TBL1X: variants seen among roughly 807,000 people sequenced by gnomAD.
TBL1X encodes F-box-like/WD repeat-containing protein TBL1X.
TBL1X carries 10 observed loss-of-function variants against 50.7 expected under a neutral mutation model. That is an observed-to-expected ratio of 0.20 (90% CI 0.12 to 0.33). The LOEUF (loss-of-function observed/expected upper bound fraction) is 0.33, where lower values mean the gene tolerates loss of function less well. Among genes scored for constraint, TBL1X ranks in the 10% least tolerant of loss-of-function variants. The pLI is 1.00. For synonymous variants in TBL1X, 190 were observed against 214.7 expected (o/e 0.88, Z 1.01); for missense variants, 340 against 504.4 (o/e 0.67, Z 3.12).
intron 9 of TBL1X, 103 bp downstream of exon 9, chrX:9,692,357 G>A: frequency 2.0e-6 from 2 of 1,023,470 alleles, no homozygotes; most frequent in Non-Finnish European, 2.6e-6. Flanking sequence ...GGAGGCAGGT[G>A]GTCCTGTGTG....
chrX:9,499,247 G>C (rs1030751940), intron 1 of TBL1X, among the ~76,000 whole-genome samples: 1 of 112,031 alleles, frequency 8.9e-6, no homozygotes, highest in Admixed American at 9.5e-5. Context: ...CCCTGAAAGA[G>C]GGTCATAGAT....
chrX:9,652,697 A>G (rs903808460), intron 3 of TBL1X, among the ~76,000 whole-genome samples: 3 of 110,941 alleles, frequency 2.7e-5, no homozygotes, highest in Admixed American at 1.9e-4. Context: ...AAAAGAACCA[A>G]AAAATTAGCT....
In TBL1X at chrX:9,523,094, C is replaced by G. The variant is rs1451208721; in HGVS notation, c.-131+21245C>G. On this transcript the variant is annotated intron_variant, in intron 2 of 17. Transcript: ENST00000645353. The stretch of plus-strand genomic sequence containing the variant: ...CCACTTGTCTTTAGCACTAAAAACA[C>G]AAACTAAGCATTATGTTTTAAAAAA... Among the ~76,000 whole-genome samples the G allele has an allele frequency of 1.8e-5, 2 of 111,911 alleles. 1 individual carries two copies. Among genetic ancestry groups the G allele is most frequent in the Middle Eastern group, 8.4e-3 (2 of 239 alleles).
intron 2 of TBL1X, among the ~76,000 whole-genome samples, chrX:9,523,022 ATC>A (rs1245956874): frequency 9.0e-6 from 1 of 111,031 alleles, no homozygotes; most frequent in Admixed American, 9.5e-5. Context: ...TGGGAAGAAA[ATC>A]TCTCTCACCT....
chrX:9,514,068 A>T (rs1381159790), intron 2 of TBL1X, among the ~76,000 whole-genome samples: 3 of 110,604 alleles, frequency 2.7e-5, no homozygotes, highest in East Asian at 2.9e-4. Flanking sequence ...GGATTACCCC[A>T]CTACATTTCA....
At chrX:9,522,853 C>G (rs1223581246) in intron 2 of TBL1X, among the ~76,000 whole-genome samples, 1 of 111,635 alleles carries the variant, frequency 9.0e-6, no homozygotes, top group Non-Finnish European at 1.9e-5. Context: ...CCATCCCCAG[C>G]GACTCTGTTG....
At chrX:9,712,254 A>C (rs1458930280) in intron 16 of TBL1X, among the ~76,000 whole-genome samples, 1 of 113,237 alleles carries the variant, frequency 8.8e-6, no homozygotes, top group Admixed American at 9.3e-5. Context: ...GGAGCAGACC[A>C]GGGAGTGGGA....
chrX:9,469,931 T>G (rs2081802661), intron 1 of TBL1X, among the ~76,000 whole-genome samples: 1 of 112,604 alleles, frequency 8.9e-6, no homozygotes, highest in Non-Finnish European at 1.9e-5. Context: ...CACATGAACT[T>G]CATGCCTTTG....
At chrX:9,697,553 C>A in intron 12 of TBL1X, 124 bp downstream of exon 12, 1 of 981,288 alleles carries the variant, frequency 1.0e-6, no homozygotes, top group Non-Finnish European at 1.4e-6. Flanking sequence ...AGGTGGATTG[C>A]ATGAGGTCAG....
chrX:9,543,005 A>G (rs2082222997), intron 2 of TBL1X, among the ~76,000 whole-genome samples: 4 of 111,851 alleles, frequency 3.6e-5, no homozygotes, highest in Admixed American at 1.9e-4. Flanking sequence ...GTGTGTTTTC[A>G]AAACACCTTC....
At chrX:9,608,868 C>A (rs901892089) in intron 2 of TBL1X, among the ~76,000 whole-genome samples, 1 of 111,956 alleles carries the variant, frequency 8.9e-6, no homozygotes, top group African/African-American at 3.2e-5. Flanking sequence ...GAGCAGCTGC[C>A]CGCCTTGGTC....
At chrX:9,563,093 A>G (rs2147001265) in intron 2 of TBL1X, among the ~76,000 whole-genome samples, 1 of 112,985 alleles carries the variant, frequency 8.9e-6, no homozygotes, top group Non-Finnish European at 1.9e-5. Context: ...AGCATCCAGT[A>G]TACAGAAGCA....
chrX:9,537,460 G>T (rs2082194227), intron 2 of TBL1X, among the ~76,000 whole-genome samples: 1 of 111,326 alleles, frequency 9.0e-6, no homozygotes, highest in African/African-American at 3.3e-5. Context: ...ACAGAAAACT[G>T]CCCCATTAAA....
At chrX:9,579,111 G>A (rs1376845575) in intron 2 of TBL1X, among the ~76,000 whole-genome samples, 1 of 111,857 alleles carries the variant, frequency 8.9e-6, no homozygotes, top group Non-Finnish European at 1.9e-5. Flanking sequence ...GTGTGCCAGA[G>A]ATGGAAAGTA....
chrX:9,663,272 C>T (rs5979146), intron 5 of TBL1X, among the ~76,000 whole-genome samples: 9,150 of 111,529 alleles, frequency 0.082, 947 homozygotes, highest in African/African-American at 0.29. Context: ...AAACAGAAAA[C>T]AGTGGCTTAT....
At chrX:9,623,109 C>T (rs187695128) in intron 2 of TBL1X, among the ~76,000 whole-genome samples, 162 of 111,531 alleles carry the variant, frequency 1.5e-3, no homozygotes, top group Admixed American at 5.3e-3. Context: ...AGGGTCCAAC[C>T]GTGACTCCTA....
At chrX:9,632,362 C>A (rs2082725920) in intron 2 of TBL1X, among the ~76,000 whole-genome samples, 1 of 111,800 alleles carries the variant, frequency 8.9e-6, no homozygotes, top group Non-Finnish European at 1.9e-5. Context: ...CTTACCGCAA[C>A]CTCCGCCTCC....
intron 2 of TBL1X, among the ~76,000 whole-genome samples, chrX:9,548,689 T>C (rs758468126): frequency 1.3e-4 from 15 of 112,637 alleles, no homozygotes; most frequent in Admixed American, 7.5e-4. Flanking sequence ...CTGCTCAAAA[T>C]GCCCATGTCT....
chrX:9,511,968 C>T (rs2082057959), intron 2 of TBL1X, among the ~76,000 whole-genome samples: 1 of 111,709 alleles, frequency 9.0e-6, no homozygotes, highest in Non-Finnish European at 1.9e-5. Flanking sequence ...TCAAGTGATT[C>T]TCCCACCTCA....
Sources: allele counts gnomAD v4.1 joint callset (sites outside exome capture counted in the v4.1 genomes callset), GRCh38; gene constraint gnomAD v4.1.1; transcripts MANE v1.5; gene names NCBI Gene and HGNC (gene_info 2026-07-23, HGNC 2026-07-21).